The following HOXD8 variants were observed in gnomAD, a reference collection of about 807,000 sequenced individuals.
The protein encoded by HOXD8 is homeobox protein Hox-D8.
Under a neutral mutation model 25.4 loss-of-function variants are expected in HOXD8, and 17 were observed. The observed-to-expected ratio is 0.67, with a 90% CI of 0.46 to 1.00. The LOEUF (loss-of-function observed/expected upper bound fraction) is 1.00. HOXD8 is among the 50% of genes least tolerant of loss of function. The pLI, the probability that HOXD8 is intolerant of heterozygous loss-of-function variation, is 0.00. For synonymous variants in HOXD8, 203 were observed against 175.3 expected, an observed-to-expected ratio of 1.16 and a Z score of -1.25; for missense variants, 511 against 398.5, an observed-to-expected ratio of 1.28 and a Z score of -2.40.
At position 176,130,374 on chromosome 2, in the gene HOXD8, C is replaced by A. The variant is rs1162911041; in HGVS notation, c.8C>A (p.Ser3Ter). The change falls in exon 1 of 2, where the codon TCG (serine) becomes TAG (stop). Residue 3 changes from serine (S) to a stop codon, truncating the protein, a stop_gained. Coordinates refer to ENST00000313173, the MANE Select transcript of HOXD8 (RefSeq NM_019558.4). LOFTEE classifies it high-confidence loss of function. ...GCCGCCGCTGACGCCCCAATGAGTTCGTACTTCGTGAACCCGCTGTACTCC... is the reference window on the plus strand; with the variant it reads ...GCCGCCGCTGACGCCCCAATGAGTTAGTACTTCGTGAACCCGCTGTACTCC... MS[S>*]YFVNPLYSKY... The A allele has an allele frequency of 6.9e-7, 1 of 1,444,276 alleles. No homozygotes were observed. Among genetic ancestry groups the A allele is most frequent in the Non-Finnish European group, 9.0e-7 (1 of 1,110,684 alleles). 89.5% of individuals were successfully genotyped at this position (1,444,276 alleles called of 1,614,324 possible). A position where few individuals can be genotyped will look rare whatever the true frequency, so the allele number is the denominator to read the frequency against.
At chr2:176,131,195 A>G in intron 1 of HOXD8, 122 bp from the exon 2 acceptor site, 1 of 797,940 alleles carries the variant, frequency 1.3e-6, no homozygotes, top group Non-Finnish European at 2.0e-6. Context: ...TATCGGAGCT[A>G]AAGAGCTCTG....
In HOXD8 at chr2:176,129,824, G is replaced by C. The variant is rs1289108774; in HGVS notation, c.-543G>C. 59 of 266,208 alleles carry C rather than the reference G, an allele frequency of 2.2e-4. No homozygotes were observed. The highest frequency in any genetic ancestry group is 2.0e-3 in the South Asian group (58 of 28,922). The allele number at this position is 266,208 out of a possible 1,614,324, so 16.5% of individuals were successfully genotyped here. ...GCGGCGGGGGCGAGATTGGCGGGAG[G>C]GGGGCGCGGGGGGGGCGCGGTAAGA... On this transcript the variant is annotated 5_prime_UTR_variant, in exon 1 of 2. Coordinates refer to ENST00000313173, the MANE Select transcript of HOXD8 (RefSeq NM_019558.4).
rs1417196506 is a variant in HOXD8, at chr2:176,130,925, C to A, written c.559C>A (p.Pro187Thr). The change falls in exon 1 of 2, where the codon CCG becomes ACG. Residue 187 changes from proline to threonine, a missense_variant. By Grantham distance (38) the Pro-to-Thr change is conservative. Transcript: ENST00000313173. ...NQSSSPSQMF[P>T]WMRPQAAPGR... ...GAGCTCGTCTCCTTCTCAAATGTTT[C>A]CGTGGATGAGACCACAAGGTTGGGA... 1.9e-6 allele frequency: 3 copies of A among 1,592,842 alleles called. No individual in the cohort carries two copies. In the South Asian group the frequency reaches 3.4e-5, roughly 18 times the overall value.
rs2105404392 is a variant in HOXD8 at position 176,130,078 on chromosome 2, G to GC, written c.-288dup. 6.6e-6 allele frequency: 1 copy of GC among 151,186 alleles called. No individual in the cohort carries two copies. Among genetic ancestry groups the GC allele is most frequent in the African/African-American group, 2.4e-5 (1 of 41,308 alleles). 9.4% of individuals were successfully genotyped at this position (151,186 alleles called of 1,614,324 possible). A position where few individuals can be genotyped will look rare whatever the true frequency, so the allele number is the denominator to read the frequency against. ...GCCGGGAAAGGCCGGGAGGGCGGCG[G>GC]CGCGCGGGGGCTGGGCGAGGCCCCG... On this transcript the variant is annotated 5_prime_UTR_variant, in exon 1 of 2. Coordinates refer to ENST00000313173, the MANE Select transcript of HOXD8 (RefSeq NM_019558.4).
At chr2:176,131,016 A>T in intron 1 of HOXD8, 73 bp downstream of exon 1, 3 of 995,052 alleles carry the variant, frequency 3.0e-6, no homozygotes, top group South Asian at 1.9e-5. Flanking sequence ...TGGCTTTAAA[A>T]CTCCCGTTCC....
At position 176,130,246 on chromosome 2, in the gene HOXD8, C is replaced by T. The variant is rs1277259473; in HGVS notation, c.-121C>T. The T allele has an allele frequency of 8.4e-6, 4 of 476,276 alleles. No individual in the cohort carries two copies. Among genetic ancestry groups the T allele is most frequent in the Admixed American group, 9.5e-5 (2 of 21,054 alleles). 29.5% of individuals were successfully genotyped at this position (476,276 alleles called of 1,614,324 possible). On this transcript the variant is annotated 5_prime_UTR_variant, in exon 1 of 2. Coordinates refer to ENST00000313173, the MANE Select transcript of HOXD8 (RefSeq NM_019558.4). ...GGGCGGCAGCAGCGACGTAGCCCGGCGGTCCCGGCGGCGAGAGCAGCCGCC... is the reference window on the plus strand; with the variant it reads ...GGGCGGCAGCAGCGACGTAGCCCGGTGGTCCCGGCGGCGAGAGCAGCCGCC...
In HOXD8 at chr2:176,131,730, C is replaced by T; in HGVS notation, c.*118C>T. 3.1e-6 allele frequency: 2 copies of T among 643,144 alleles called. No homozygotes were observed. The highest frequency in any genetic ancestry group is 5.4e-6 in the Non-Finnish European group (2 of 368,248). The allele number at this position is 643,144 out of a possible 1,614,324, so 39.8% of individuals were successfully genotyped here. Reference sequence around the variant, plus strand: ...CCTGTGTTTCAAGCTACCTTCATGTCACTGCTCTTGAGGTTTTCTGTGCTT... The same window carrying T: ...CCTGTGTTTCAAGCTACCTTCATGTTACTGCTCTTGAGGTTTTCTGTGCTT... On this transcript the variant is annotated 3_prime_UTR_variant, in exon 2 of 2. Coordinates refer to ENST00000313173, the MANE Select transcript of HOXD8 (RefSeq NM_019558.4).
Position 176,130,419 on chromosome 2 carries a change from CGGCGGCGGCGGCGGCGGGCGA to C in HOXD8, c.57_77del (p.Ala20_Ala26del). 2.5e-6 allele frequency: 3 copies of C among 1,185,452 alleles called. No individual in the cohort carries two copies. The highest frequency in any genetic ancestry group is 3.3e-6 in the Non-Finnish European group (3 of 908,438). 73.4% of individuals were successfully genotyped at this position (1,185,452 alleles called of 1,614,324 possible). ...TACTCCAAGTACAAGGCGGCGGCTG[CGGCGGCGGCGGCGGCGGGCGA>C]GGCCATCAATCCCACTTACTACGAC... On this transcript the variant is annotated inframe_deletion, in exon 1 of 2. Coordinates refer to ENST00000313173, the MANE Select transcript of HOXD8 (RefSeq NM_019558.4).
chr2:176,131,030 T>C, intron 1 of HOXD8, 87 bp downstream of exon 1: 7 of 878,764 alleles, frequency 8.0e-6, no homozygotes, highest in Non-Finnish European at 1.0e-5. Context: ...CCGTTCCCTC[T>C]CCCCCTCCTT....
Position 176,130,838 on chromosome 2 carries a change from C to G in HOXD8, c.472C>G (p.Gln158Glu). Residue 158 changes from glutamine to glutamate, a missense_variant, in exon 1 of 2, where the codon CAA becomes GAA. Gln to Glu is a conservative substitution (Grantham distance 29). Transcript: ENST00000313173. ...FTTQQEAELV[Q>E]YPDCKSSSGN... The stretch of plus-strand genomic sequence containing the variant: ...GACCCAGCAAGAGGCCGAGCTGGTA[C>G]AATATCCTGACTGTAAATCGTCCAG... 6.2e-7 allele frequency: 1 copy of G among 1,613,254 alleles called. No homozygotes were observed.
chr2:176,130,560 C>T lies in HOXD8; in HGVS notation c.194C>T (p.Pro65Leu), dbSNP rs562373033. Residue 65 changes from proline to leucine, a missense_variant, in exon 1 of 2, where the codon CCC becomes CTC. By Grantham distance (98) the Pro-to-Leu change is moderately conservative (BLOSUM62 -3). Transcript: ENST00000313173. Reference sequence around the variant, plus strand: ...AGCGCCGCCGGCTTCCCGCACGCGCCCCCGCAGGCGCACGCGCACCCGCAC... The same window carrying T: ...AGCGCCGCCGGCTTCCCGCACGCGCTCCCGCAGGCGCACGCGCACCCGCAC... ...GNSAAGFPHA[P>L]PQAHAHPHPS... 2.0e-6 allele frequency: 3 copies of T among 1,463,440 alleles called. No homozygotes were observed. The highest frequency in any genetic ancestry group is 3.1e-5 in the African/African-American group (2 of 64,222). 90.7% of individuals were successfully genotyped at this position (1,463,440 alleles called of 1,614,324 possible).
chr2:176,131,622 T>A lies in HOXD8; in HGVS notation c.*10T>A. On this transcript the variant is annotated 3_prime_UTR_variant, in exon 2 of 2. Transcript: ENST00000313173. ...AGGCCTGACAAATTAACTTCTACCT[T>A]TAAAATTTACCACAGACTATTAAAA... The A allele has an allele frequency of 6.9e-7, 1 of 1,447,382 alleles. No homozygotes were observed. Among genetic ancestry groups the A allele is most frequent in the Non-Finnish European group, 9.5e-7 (1 of 1,048,670 alleles). 89.7% of individuals were successfully genotyped at this position (1,447,382 alleles called of 1,614,324 possible). A position where few individuals can be genotyped will look rare whatever the true frequency, so the allele number is the denominator to read the frequency against.
chr2:176,129,773 C>G lies in HOXD8; in HGVS notation c.-594C>G. ...GTGCTGTGGTGCGAAAATGCCTCGC[C>G]GGTGCGCACCGGGTCGGCAGCCTCG... On this transcript the variant is annotated 5_prime_UTR_variant, in exon 1 of 2. Coordinates refer to ENST00000313173, the MANE Select transcript of HOXD8 (RefSeq NM_019558.4). The G allele has an allele frequency of 4.6e-6, 1 of 216,864 alleles. No homozygotes were observed. Among genetic ancestry groups the G allele is most frequent in the Non-Finnish European group, 9.9e-6 (1 of 100,832 alleles). 13.4% of individuals were successfully genotyped at this position (216,864 alleles called of 1,614,324 possible). A position where few individuals can be genotyped will look rare whatever the true frequency, so the allele number is the denominator to read the frequency against.
chr2:176,130,320 T>C lies in HOXD8; in HGVS notation c.-47T>C. 1 of 1,293,216 alleles carries C rather than the reference T, an allele frequency of 7.7e-7. No individual in the cohort carries two copies. The highest frequency in any genetic ancestry group is 1.9e-5 in the South Asian group (1 of 53,150). 80.1% of individuals were successfully genotyped at this position (1,293,216 alleles called of 1,614,324 possible). A position where few individuals can be genotyped will look rare whatever the true frequency, so the allele number is the denominator to read the frequency against. On this transcript the variant is annotated 5_prime_UTR_variant, in exon 1 of 2. Coordinates refer to ENST00000313173, the MANE Select transcript of HOXD8 (RefSeq NM_019558.4). Reference sequence around the variant, plus strand: ...GCCGAGTCGAGGCTCGCTCTCTGGCTGCTTAGCGCCGCCCGCCCGCCCGGG... The same window carrying C: ...GCCGAGTCGAGGCTCGCTCTCTGGCCGCTTAGCGCCGCCCGCCCGCCCGGG...
At position 176,130,420 on chromosome 2, in the gene HOXD8, G is replaced by T. The variant is rs1269406888; in HGVS notation, c.54G>T (p.Ala18=). Residue 18 remains alanine, a synonymous_variant, in exon 1 of 2, where the codon GCG becomes GCT. Coordinates refer to ENST00000313173, the MANE Select transcript of HOXD8 (RefSeq NM_019558.4). The stretch of plus-strand genomic sequence containing the variant: ...ACTCCAAGTACAAGGCGGCGGCTGC[G>T]GCGGCGGCGGCGGCGGGCGAGGCCA... The part of the protein sequence containing the change: ...PLYSKYKAAA[A]AAAAAGEAIN... The T allele has an allele frequency of 1.7e-5, 20 of 1,153,018 alleles. No homozygotes were observed. The Admixed American group carries it at 1.9e-4, about 11-fold the overall frequency. 71.4% of individuals were successfully genotyped at this position (1,153,018 alleles called of 1,614,324 possible). A position where few individuals can be genotyped will look rare whatever the true frequency, so the allele number is the denominator to read the frequency against.
rs550045449 is a variant in HOXD8 at position 176,129,720 on chromosome 2, C to A, written c.-647C>A. 1.4e-3 allele frequency: 532 copies of A among 367,522 alleles called. 5 individuals are homozygous for A. Among genetic ancestry groups the A allele is most frequent in the South Asian group, 8.5e-3 (412 of 48,342 alleles). 22.8% of individuals were successfully genotyped at this position (367,522 alleles called of 1,614,324 possible). On this transcript the variant is annotated 5_prime_UTR_variant, in exon 1 of 2. Coordinates refer to ENST00000313173, the MANE Select transcript of HOXD8 (RefSeq NM_019558.4). ...GCGCGGATCCCTCCGCGGGGCTCCT[C>A]GTCCCCGTCACGCTGACTTTCCGTG... is the stretch of plus-strand genomic sequence containing the variant.
chr2:176,130,673 G>A lies in HOXD8; in HGVS notation c.307G>A (p.Ala103Thr), dbSNP rs1690078768. 2 of 1,556,042 alleles carry A rather than the reference G, an allele frequency of 1.3e-6. No individual in the cohort carries two copies. Among genetic ancestry groups the A allele is most frequent in the East Asian group, 2.4e-5 (1 of 42,420 alleles). ...YFHPGGGSPA[A>T]AYQAAPPPPP... Reference sequence around the variant, plus strand: ...CCACCCCGGCGGGGGCAGCCCGGCCGCTGCCTACCAGGCCGCCCCCCCTCC... The same window carrying A: ...CCACCCCGGCGGGGGCAGCCCGGCCACTGCCTACCAGGCCGCCCCCCCTCC... Residue 103 changes from alanine to threonine, a missense_variant, in exon 1 of 2, where the codon GCT becomes ACT. Coordinates refer to ENST00000313173, the MANE Select transcript of HOXD8 (RefSeq NM_019558.4).
rs1026661254 is a variant in HOXD8, at chr2:176,132,012, T to A, written c.*400T>A. On this transcript the variant is annotated 3_prime_UTR_variant, in exon 2 of 2. Transcript: ENST00000313173. ...TTTGTGGTGAGTAAATTAAAAGGAG[T>A]TTATTAATTAAAAAAAATTATGTCT... The A allele has an allele frequency of 1.2e-4, 19 of 156,928 alleles. 1 individual carries two copies. The highest frequency in any genetic ancestry group is 6.6e-3 in the Middle Eastern group (2 of 302). The allele number at this position is 156,928 out of a possible 1,614,324, so 9.7% of individuals were successfully genotyped here.
At position 176,130,531 on chromosome 2, in the gene HOXD8, C is replaced by T. The variant is rs1343275414; in HGVS notation, c.165C>T (p.Gly55=). 2 of 1,479,248 alleles carry T rather than the reference C, an allele frequency of 1.4e-6. No homozygotes were observed. The highest frequency in any genetic ancestry group is 1.8e-6 in the Non-Finnish European group (2 of 1,123,500). The allele number at this position is 1,479,248 out of a possible 1,614,324, so 91.6% of individuals were successfully genotyped here. A position where few individuals can be genotyped will look rare whatever the true frequency, so the allele number is the denominator to read the frequency against. The part of the protein sequence containing the change: ...AAAAAALQLY[G]NSAAGFPHAP... ...CCGCAGCAGCCCTGCAGCTCTATGG[C>T]AACAGCGCCGCCGGCTTCCCGCACG... is the stretch of plus-strand genomic sequence containing the variant. The change falls in exon 1 of 2, where the codon GGC becomes GGT. Residue 55 remains glycine, a synonymous_variant. Transcript: ENST00000313173.
Sources: gnomAD v4.1 joint callset for allele counts on GRCh38, gnomAD v4.1.1 for gene constraint, MANE v1.5 for transcripts, NCBI Gene and HGNC (gene_info 2026-07-23, HGNC 2026-07-21) for gene names.